FEZ1: variants seen among roughly 807,000 people sequenced by gnomAD.
FEZ1 encodes fasciculation and elongation protein zeta 1, also known as fasciculation and elongation protein zeta-1.
Under a neutral mutation model 49.3 loss-of-function variants are expected in FEZ1, and 20 were observed. That is an observed-to-expected ratio of 0.41 (90% CI 0.29 to 0.59). The LOEUF is 0.59. Ranked by LOEUF, FEZ1 falls within the 20% of genes least tolerant of loss-of-function variation. The pLI is 0.36. For synonymous variants in FEZ1, 170 were observed against 180.9 expected, an observed-to-expected ratio of 0.94 and a Z score of 0.48; for missense variants, 413 against 476.0, an observed-to-expected ratio of 0.87 and a Z score of 1.23.
At chr11:125,477,148 G>T (rs1367431900) in intron 3 of FEZ1, among the ~76,000 whole-genome samples, 2 of 152,054 alleles carry the variant, frequency 1.3e-5, no homozygotes, top group Non-Finnish European at 2.9e-5. Flanking sequence ...TGAAAATTAT[G>T]ATTTTTAACA....
At position 125,454,183 on chromosome 11, in the gene FEZ1, T is replaced by G. The variant is rs1956985405; in HGVS notation, c.967A>C (p.Ile323Leu). The change falls in exon 7 of 10, where the codon ATT becomes CTT. Residue 323 changes from isoleucine (I) to leucine (L), a missense_variant. By Grantham distance (5) the Ile-to-Leu change is conservative. Coordinates refer to ENST00000278919, the MANE Select transcript of FEZ1 (RefSeq NM_005103.5). ...KRFSMEGISNILQSGIRQTFG... is the reference protein window; with the variant it reads ...KRFSMEGISNLLQSGIRQTFG... ...GTCTGGCGGATGCCACTCTGCAGAATGTTGGAGATGCCTTCCATGCTGAAG... is the reference window on the plus strand; with the variant it reads ...GTCTGGCGGATGCCACTCTGCAGAAGGTTGGAGATGCCTTCCATGCTGAAG... 2.5e-6 allele frequency: 4 copies of G among 1,613,650 alleles called. No individual in the cohort carries two copies. Among genetic ancestry groups the G allele is most frequent in the Non-Finnish European group, 3.4e-6 (4 of 1,179,806 alleles).
intron 3 of FEZ1, among the ~76,000 whole-genome samples, chr11:125,478,433 C>T (rs1045573489): frequency 3.9e-5 from 6 of 152,230 alleles, no homozygotes; most frequent in African/African-American, 1.4e-4. Flanking sequence ...CAGAGAGAGA[C>T]ACCATCTCAA....
chr11:125,458,959 G>A (rs1048426880), intron 5 of FEZ1, among the ~76,000 whole-genome samples: 5 of 152,018 alleles, frequency 3.3e-5, no homozygotes, highest in Non-Finnish European at 5.9e-5. Context: ...CCAGCTACTC[G>A]GGAGGATGAG....
intron 6 of FEZ1, 53 bp downstream of exon 6, chr11:125,455,782 G>C (rs144983982): frequency 6.3e-7 from 1 of 1,593,210 alleles, no homozygotes; most frequent in Admixed American, 1.7e-5. Context: ...GCACTGAAAC[G>C]GGCAGGGTTG....
Position 125,452,700 on chromosome 11 carries a change from G to C in FEZ1, c.1021-291C>G, listed in dbSNP as rs554438390. The C allele has an allele frequency of 3.9e-5, 14 of 361,880 alleles. No individual in the cohort carries two copies. The South Asian group carries it at 9.8e-4, about 25-fold the overall frequency. The allele number at this position is 361,880 out of a possible 1,614,324, so 22.4% of individuals were successfully genotyped here. On this transcript the variant is annotated intron_variant, in intron 7 of 9. Transcript: ENST00000278919. The stretch of plus-strand genomic sequence containing the variant: ...CTTTTTCTCCTTTAGACTGAAAGCA[G>C]AGAATAAATCCAAGGGGATTATATT...
Position 125,449,937 on chromosome 11 carries a change from G to A in FEZ1, c.1097-1370C>T, listed in dbSNP as rs1956938498. Among the ~76,000 whole-genome samples the A allele has an allele frequency of 2.6e-5, 4 of 152,086 alleles. No individual in the cohort carries two copies. The South Asian group carries it at 8.3e-4, about 32-fold the overall frequency. On this transcript the variant is annotated intron_variant, in intron 8 of 9. Coordinates refer to ENST00000278919, the MANE Select transcript of FEZ1 (RefSeq NM_005103.5). ...GAGACTCAACCTGAGGCCATTGAGG[G>A]GTTGGTTTGTTTCTGTTTTATTTCT...
At chr11:125,448,693 A>T in intron 8 of FEZ1, 126 bp from the exon 9 acceptor site, 1 of 685,358 alleles carries the variant, frequency 1.5e-6, no homozygotes, top group Non-Finnish European at 2.6e-6. Context: ...TTTATTGAGT[A>T]TTGAGCAAAA....
chr11:125,444,312 G>A lies in FEZ1; in HGVS notation c.*1783C>T, dbSNP rs1225747771. Among the ~76,000 whole-genome samples the A allele has an allele frequency of 3.3e-5, 5 of 152,174 alleles. No individual in the cohort carries two copies. The highest frequency in any genetic ancestry group is 4.8e-5 in the African/African-American group (2 of 41,436). ...TGGAAAAGCAGAAGCCGAGCTAGGCGCGGTGACTCACGCCTATAATCCCAG... is the reference window on the plus strand; with the variant it reads ...TGGAAAAGCAGAAGCCGAGCTAGGCACGGTGACTCACGCCTATAATCCCAG... On this transcript the variant is annotated 3_prime_UTR_variant, in exon 10 of 10. Coordinates refer to ENST00000278919, the MANE Select transcript of FEZ1 (RefSeq NM_005103.5).
intron 8 of FEZ1, 66 bp from the exon 9 acceptor site, chr11:125,448,633 A>G: frequency 1.0e-6 from 1 of 952,968 alleles, no homozygotes; most frequent in Non-Finnish European, 1.7e-6. Flanking sequence ...CTAGGGCCAC[A>G]TGACCCACCA....
rs1458015278 is a variant in FEZ1 at position 125,474,976 on chromosome 11, C to T, written c.411+6558G>A. ...ACAAAAGATTTGAAGAGGCATTTCA[C>T]CAAAGAAAACATACAGGCCGGGCAC... is the stretch of plus-strand genomic sequence containing the variant. On this transcript the variant is annotated intron_variant, in intron 3 of 9. Transcript: ENST00000278919. Among the ~76,000 whole-genome samples, 4 of 150,638 alleles carry T rather than the reference C, an allele frequency of 2.7e-5. No individual in the cohort carries two copies. The South Asian group carries it at 8.4e-4, about 32-fold the overall frequency.
intron 3 of FEZ1, among the ~76,000 whole-genome samples, chr11:125,465,906 C>T (rs1040749912): frequency 4.6e-5 from 7 of 152,224 alleles, no homozygotes; most frequent in South Asian, 2.1e-4. Flanking sequence ...TGCCTCTTTA[C>T]GGGCACTGTT....
intron 5 of FEZ1, 72 bp from the exon 6 acceptor site, chr11:125,456,178 C>A: frequency 7.1e-7 from 1 of 1,408,180 alleles, no homozygotes; most frequent in Non-Finnish European, 9.5e-7. Flanking sequence ...CTCCTGGGGC[C>A]ACCACCAATC....
chr11:125,448,403 C>T, intron 9 of FEZ1, 99 bp downstream of exon 9: 1 of 758,870 alleles, frequency 1.3e-6, no homozygotes, highest in Non-Finnish European at 2.3e-6. Context: ...TGGCCCCTGC[C>T]TGGTCTGGTC....
At chr11:125,487,028 G>A (rs764633790) in intron 2 of FEZ1, among the ~76,000 whole-genome samples, 4 of 152,040 alleles carry the variant, frequency 2.6e-5, no homozygotes, top group African/African-American at 4.8e-5. Context: ...TCAATCTTTG[G>A]TCTCTTAACT....
intron 5 of FEZ1, 103 bp downstream of exon 5, chr11:125,460,395 G>T: frequency 1.0e-6 from 1 of 981,538 alleles, no homozygotes. Context: ...GCTCTGCTCT[G>T]AGGCAGTCAG....
chr11:125,452,483 C>T (rs997456078), intron 7 of FEZ1, 74 bp from the exon 8 acceptor site: 3 of 917,988 alleles, frequency 3.3e-6, no homozygotes, highest in African/African-American at 3.2e-5. Flanking sequence ...TAGCCTTTCT[C>T]TAAGACACAC....
intron 1 of FEZ1, among the ~76,000 whole-genome samples, chr11:125,490,244 C>A (rs554066580): frequency 6.6e-6 from 1 of 152,262 alleles, no homozygotes; most frequent in Non-Finnish European, 1.5e-5. Context: ...GATCTGAAAG[C>A]TGAAAATTCT....
chr11:125,477,469 C>A (rs1957242581), intron 3 of FEZ1, among the ~76,000 whole-genome samples: 2 of 152,074 alleles, frequency 1.3e-5, no homozygotes, highest in Admixed American at 1.3e-4. Flanking sequence ...CGTGCCACTG[C>A]ACTCCAGCCT....
rs1440374968 is a variant in FEZ1, at chr11:125,444,735, A to C, written c.*1360T>G. ...CATGCTTAGTTCAAGCAGACACTAA[A>C]CTCCTGGGAATCAATGGAAGTCTCA... On this transcript the variant is annotated 3_prime_UTR_variant, in exon 10 of 10. Coordinates refer to ENST00000278919, the MANE Select transcript of FEZ1 (RefSeq NM_005103.5). Among the ~76,000 whole-genome samples, 1 of 152,188 alleles carries C rather than the reference A, an allele frequency of 6.6e-6. No homozygotes were observed. Among genetic ancestry groups the C allele is most frequent in the Admixed American group, 6.5e-5 (1 of 15,284 alleles).
Sources: allele counts gnomAD v4.1 joint callset (sites outside exome capture counted in the v4.1 genomes callset), GRCh38; gene constraint gnomAD v4.1.1; transcripts MANE v1.5; gene names NCBI Gene and HGNC (gene_info 2026-07-23, HGNC 2026-07-21).